RAB7A: variants seen among roughly 807,000 people sequenced by gnomAD.
RAB7A encodes ras-related protein Rab-7a.
A neutral mutation model predicts 24.5 loss-of-function variants in RAB7A; 2 were observed. The observed-to-expected ratio is 0.08, with a 90% CI of 0.03 to 0.26. The LOEUF is 0.26. Among genes scored for constraint, RAB7A ranks in the 10% least tolerant of loss-of-function variants. The pLI is 1.00. For missense variants in RAB7A, 118 were observed against 255.7 expected (o/e 0.46, Z 3.67); for synonymous variants, 100 against 95.9 (o/e 1.04, Z -0.25).
intron 1 of RAB7A, among the ~76,000 whole-genome samples, chr3:128,763,864 GCC>G (rs60251504): frequency 4.8e-5 from 4 of 82,712 alleles, no homozygotes; most frequent in Admixed American, 1.3e-4. Context: ...TTAGATTCCC[GCC>G]CCCCCCCCCG....
intron 2 of RAB7A, among the ~76,000 whole-genome samples, chr3:128,795,644 A>G (rs1403012556): frequency 6.6e-6 from 1 of 151,844 alleles, no homozygotes; most frequent in Non-Finnish European, 1.5e-5. Flanking sequence ...ATTTGAACTC[A>G]ACTAAGGATA....
intron 1 of RAB7A, among the ~76,000 whole-genome samples, chr3:128,758,355 C>T (rs912599396): frequency 6.6e-6 from 1 of 150,516 alleles, no homozygotes; most frequent in African/African-American, 2.5e-5. Context: ...TCACTGCAAG[C>T]TCCGCCTTCC....
intron 1 of RAB7A, among the ~76,000 whole-genome samples, chr3:128,753,635 TAC>T (rs2070706715): frequency 6.6e-6 from 1 of 152,174 alleles, no homozygotes; most frequent in Admixed American, 6.5e-5. Context: ...CTCCAGCAGA[TAC>T]AGTGTTTGAT....
intron 1 of RAB7A, among the ~76,000 whole-genome samples, chr3:128,785,691 G>A (rs1228036657): frequency 6.7e-6 from 1 of 149,362 alleles, no homozygotes; most frequent in Non-Finnish European, 1.5e-5. Flanking sequence ...GGAAGTTGCA[G>A]TGAACAGAGA....
At chr3:128,809,934 G>GTTTTTTTTTTTTTTTTTTTTTTTTTTT (rs1231077081) in intron 5 of RAB7A, among the ~76,000 whole-genome samples, 1 of 47,550 alleles carries the variant, frequency 2.1e-5, no homozygotes, top group African/African-American at 8.3e-5. Context: ...TCTTGCCACA[G>GTTTTTTTTTTTTTTTTTTTTTTTTTTT]TCTTTTTTTT....
At chr3:128,748,901 A>G (rs1192145369) in intron 1 of RAB7A, 6 of 152,212 alleles carry the variant, frequency 3.9e-5, no homozygotes, top group Admixed American at 2.6e-4. Context: ...ACCATGGTGT[A>G]GAGAAGGTCT....
At position 128,792,412 on chromosome 3, in the gene RAB7A, T is replaced by C. The variant is rs1359186447; in HGVS notation, c.-8-2948T>C. The stretch of plus-strand genomic sequence containing the variant: ...TATCATCTTTTTATCTATTTTCTTT[T>C]TTTTTCCTTTTTGAAAAAGAGTCTT... On this transcript the variant is annotated intron_variant, in intron 1 of 5. Coordinates refer to ENST00000265062, the MANE Select transcript of RAB7A (RefSeq NM_004637.6). 4.6e-5 allele frequency among the ~76,000 whole-genome samples: 7 copies of C among 152,322 alleles called. No individual in the cohort carries two copies. The East Asian group carries it at 1.3e-3, about 29-fold the overall frequency.
chr3:128,737,840 T>G (rs1243090740), intron 1 of RAB7A, among the ~76,000 whole-genome samples: 2 of 105,178 alleles, frequency 1.9e-5, no homozygotes, highest in African/African-American at 4.5e-5. Flanking sequence ...TTTTTTTTTT[T>G]TTTTTTTTTT....
At chr3:128,757,935 A>T (rs776854140) in intron 1 of RAB7A, among the ~76,000 whole-genome samples, 1 of 151,782 alleles carries the variant, frequency 6.6e-6, no homozygotes, top group Non-Finnish European at 1.5e-5. Flanking sequence ...CTGGAGTTAC[A>T]CTTGTGAGCC....
At chr3:128,768,232 T>C (rs974597989) in intron 1 of RAB7A, among the ~76,000 whole-genome samples, 7 of 152,200 alleles carry the variant, frequency 4.6e-5, no homozygotes, top group Non-Finnish European at 1.0e-4. Flanking sequence ...GACATTATTA[T>C]TTTATTTGTG....
chr3:128,773,843 G>C (rs1457314603), intron 1 of RAB7A, among the ~76,000 whole-genome samples: 2 of 151,890 alleles, frequency 1.3e-5, no homozygotes, highest in Non-Finnish European at 2.9e-5. Flanking sequence ...GATTAAGGGC[G>C]GTGCAAGATG....
At chr3:128,774,021 A>G (rs1394975758) in intron 1 of RAB7A, among the ~76,000 whole-genome samples, 1 of 149,102 alleles carries the variant, frequency 6.7e-6, no homozygotes, top group African/African-American at 2.5e-5. Flanking sequence ...TCCCTGCACT[A>G]TTGTCCTATG....
chr3:128,799,328 T>C (rs1354138423), intron 3 of RAB7A: 1 of 152,176 alleles, frequency 6.6e-6, no homozygotes, highest in Admixed American at 6.5e-5. Flanking sequence ...TGTCTCTGCT[T>C]CCAGCAGGGC....
chr3:128,759,773 A>G (rs980689333), intron 1 of RAB7A, among the ~76,000 whole-genome samples: 18 of 151,600 alleles, frequency 1.2e-4, no homozygotes, highest in African/African-American at 4.4e-4. Context: ...GCAGTGGCGC[A>G]ATCTTGGCTC....
intron 1 of RAB7A, among the ~76,000 whole-genome samples, chr3:128,776,035 C>T (rs1156373904): frequency 6.6e-6 from 1 of 152,118 alleles, no homozygotes; most frequent in African/African-American, 2.4e-5. Flanking sequence ...TGGCCATTGT[C>T]TCCCCAGTCA....
intron 1 of RAB7A, among the ~76,000 whole-genome samples, chr3:128,789,391 A>T (rs1474617454): frequency 2.7e-5 from 4 of 148,204 alleles, no homozygotes; most frequent in African/African-American, 5.0e-5. Flanking sequence ...GCTGGAGCGC[A>T]GTGATGCGAT....
At chr3:128,749,774 C>G (rs564653501) in intron 1 of RAB7A, among the ~76,000 whole-genome samples, 1 of 152,300 alleles carries the variant, frequency 6.6e-6, no homozygotes, top group South Asian at 2.1e-4. Context: ...TGCCTTCTGC[C>G]GTGATTGTGA....
At chr3:128,740,143 G>GC (rs1385589626) in intron 1 of RAB7A, among the ~76,000 whole-genome samples, 2 of 152,138 alleles carry the variant, frequency 1.3e-5, no homozygotes, top group African/African-American at 2.4e-5. Context: ...TTGGGAGGCC[G>GC]CCGAGATGGG....
intron 4 of RAB7A, 24 bp from the exon 5 acceptor site, chr3:128,807,519 T>C (rs764613470): frequency 1.6e-5 from 26 of 1,613,512 alleles, no homozygotes; most frequent in Non-Finnish European, 2.1e-5. Flanking sequence ...CATGAGCCTA[T>C]GTGCACCCTG....
Sources: gnomAD v4.1 joint callset for allele counts (sites outside exome capture counted in the v4.1 genomes callset) on GRCh38, gnomAD v4.1.1 for gene constraint, MANE v1.5 for transcripts, NCBI Gene and HGNC (gene_info 2026-07-23, HGNC 2026-07-21) for gene names.